PCDH15: variants seen among roughly 807,000 people sequenced by gnomAD.
PCDH15 encodes protocadherin related 15, also known as protocadherin-15.
In PCDH15, 129 loss-of-function variants were observed where a neutral mutation model predicts 178.5. The ratio of observed to expected loss-of-function variants is 0.72; its 90% CI spans 0.63 to 0.84. The LOEUF (loss-of-function observed/expected upper bound fraction) is 0.84, where lower values mean the gene tolerates loss of function less well. Ranked by LOEUF, PCDH15 falls within the 40% of genes least tolerant of loss-of-function variation. The pLI, the probability that PCDH15 is intolerant of heterozygous loss-of-function variation, is 0.00. For missense variants in PCDH15, 2,230 were observed against 2,099.9 expected (o/e 1.06, Z -1.21); for synonymous variants, 800 against 732.0 (o/e 1.09, Z -1.50).
rs1212302022 is a variant in PCDH15, at chr10:55,180,953, T to A, written c.-155-14302A>T. On this transcript the variant is annotated intron_variant, in intron 1 of 5. Coordinates refer to the PCDH15 transcript ENST00000458638. Reference sequence around the variant, plus strand: ...GGAAAACTCAGAGAAAAAAAACATATTTTTTTAATACTAAAAGATATGGCT... The same window carrying A: ...GGAAAACTCAGAGAAAAAAAACATAATTTTTTAATACTAAAAGATATGGCT... Among the ~76,000 whole-genome samples the A allele has an allele frequency of 2.0e-5, 3 of 152,004 alleles. No individual in the cohort carries two copies. The East Asian group carries it at 5.8e-4, about 29-fold the overall frequency.
At chr10:53,812,525 G>C (rs1353371057) in intron 35 of PCDH15, among the ~76,000 whole-genome samples, 1 of 151,804 alleles carries the variant, frequency 6.6e-6, no homozygotes, top group Non-Finnish European at 1.5e-5. Context: ...TAAATTTAAG[G>C]TTTTTAAAGG....
chr10:53,966,294 T>G (rs2089010629), intron 21 of PCDH15, among the ~76,000 whole-genome samples: 1 of 152,116 alleles, frequency 6.6e-6, no homozygotes, highest in Non-Finnish European at 1.5e-5. Flanking sequence ...CATTTTATTT[T>G]ATATCACATA....
chr10:54,180,020 T>C (rs1188717969), intron 13 of PCDH15, among the ~76,000 whole-genome samples: 2 of 152,210 alleles, frequency 1.3e-5, no homozygotes, highest in African/African-American at 2.4e-5. Context: ...AGTTTCAACC[T>C]ATACGATTGC....
chr10:54,879,123 C>T (rs969360734), intron 3 of PCDH15, among the ~76,000 whole-genome samples: 1 of 151,900 alleles, frequency 6.6e-6, no homozygotes, highest in Admixed American at 6.6e-5. Flanking sequence ...TCAAATGTAG[C>T]TAGTTTAAAC....
intron 8 of PCDH15, among the ~76,000 whole-genome samples, chr10:54,268,684 C>T (rs1241889834): frequency 6.6e-6 from 1 of 151,848 alleles, no homozygotes; most frequent in Non-Finnish European, 1.5e-5. Context: ...AGATATGTCA[C>T]TGCTTCTTAT....
intron 2 of PCDH15, among the ~76,000 whole-genome samples, chr10:55,040,148 T>A (rs907155951): frequency 2.0e-5 from 3 of 152,146 alleles, no homozygotes; most frequent in East Asian, 1.9e-4. Flanking sequence ...TACTGTCTAA[T>A]TTACAGAACT....
At chr10:54,289,112 C>T (rs574291807) in intron 8 of PCDH15, among the ~76,000 whole-genome samples, 9 of 152,282 alleles carry the variant, frequency 5.9e-5, no homozygotes, top group African/African-American at 9.6e-5. Flanking sequence ...CCTCCCAGTA[C>T]GGGCTGACAG....
chr10:54,640,555 G>A (rs114364900), intron 2 of PCDH15, among the ~76,000 whole-genome samples: 1,851 of 152,124 alleles, frequency 0.012, 34 homozygotes, highest in African/African-American at 0.042. Flanking sequence ...ACCCTGCGTA[G>A]CTTGAATAAG....
At chr10:54,179,676 T>A (rs545625553) in intron 13 of PCDH15, among the ~76,000 whole-genome samples, 1 of 152,312 alleles carries the variant, frequency 6.6e-6, no homozygotes, top group Non-Finnish European at 1.5e-5. Flanking sequence ...ATATTAGAAC[T>A]GTTTCAATTT....
chr10:54,334,939 T>C (rs1940750985), intron 6 of PCDH15, among the ~76,000 whole-genome samples: 1 of 152,184 alleles, frequency 6.6e-6, no homozygotes, highest in African/African-American at 2.4e-5. Context: ...TTTGTTCACA[T>C]TGAATATAAC....
chr10:55,463,627 A>G (rs2132095618), intron 2 of PCDH15, among the ~76,000 whole-genome samples: 1 of 152,130 alleles, frequency 6.6e-6, no homozygotes, highest in South Asian at 2.1e-4. Flanking sequence ...CCACTGCCCA[A>G]TGTATGTGAC....
intron 1 of PCDH15, among the ~76,000 whole-genome samples, chr10:55,226,513 C>G (rs1008182559): frequency 2.0e-5 from 3 of 151,926 alleles, no homozygotes; most frequent in Non-Finnish European, 4.4e-5. Flanking sequence ...TCCTGAGTAG[C>G]TGGGATTACA....
intron 14 of PCDH15, among the ~76,000 whole-genome samples, chr10:54,146,527 ATAACT>A (rs2043918587): frequency 6.6e-6 from 1 of 151,868 alleles, no homozygotes; most frequent in Admixed American, 6.6e-5. Context: ...ATATCCCAAA[ATAACT>A]TAAGTGTTTT....
intron 3 of PCDH15, among the ~76,000 whole-genome samples, chr10:54,829,597 A>C (rs1412428800): frequency 6.6e-6 from 1 of 152,060 alleles, no homozygotes; most frequent in Non-Finnish European, 1.5e-5. Context: ...TAGTGAGCCC[A>C]AATTAATTTT....
intron 25 of PCDH15, among the ~76,000 whole-genome samples, chr10:53,926,901 C>T (rs1282391754): frequency 6.6e-6 from 1 of 152,034 alleles, no homozygotes; most frequent in African/African-American, 2.4e-5. Context: ...TTCTTTAAAG[C>T]GCTAATCTCA....
At chr10:55,196,593 A>C (rs545571500) in intron 1 of PCDH15, among the ~76,000 whole-genome samples, 35 of 152,138 alleles carry the variant, frequency 2.3e-4, no homozygotes, top group Non-Finnish European at 4.3e-4. Flanking sequence ...GCCAGAGCAC[A>C]CACAATCTCT....
intron 1 of PCDH15, among the ~76,000 whole-genome samples, chr10:55,227,888 A>G (rs1841097546): frequency 2.0e-5 from 3 of 152,078 alleles, no homozygotes; most frequent in African/African-American, 4.8e-5. Context: ...ACCACAAAAC[A>G]TACATAATTT....
rs117525338 is a variant in PCDH15, at chr10:54,283,376, G to A, written c.876+33895C>T. Among the ~76,000 whole-genome samples, 433 of 152,172 alleles carry A rather than the reference G, an allele frequency of 2.8e-3. 8 individuals carry two copies. Among genetic ancestry groups the A allele is most frequent in the East Asian group, 0.021 (109 of 5,168 alleles). On this transcript the variant is annotated intron_variant, in intron 8 of 37. Transcript: ENST00000644397. ...ATGGGTAATTTAACCATATTTACTA[G>A]TGTTTAAATGATTCAACCACTGCTA... is the stretch of plus-strand genomic sequence containing the variant.
chr10:54,076,235 G>A (rs1329746587), intron 17 of PCDH15, among the ~76,000 whole-genome samples: 5 of 151,946 alleles, frequency 3.3e-5, no homozygotes. Flanking sequence ...AAATTGAATT[G>A]TTTTCTTAAT....
Sources: gnomAD v4.1 joint callset for allele counts (sites outside exome capture counted in the v4.1 genomes callset) on GRCh38, gnomAD v4.1.1 for gene constraint, MANE v1.5 for transcripts, NCBI Gene and HGNC (gene_info 2026-07-23, HGNC 2026-07-21) for gene names.